Variants in PDZD2 observed in about 807,000 individuals in gnomAD.
PDZD2 encodes the protein PDZ domain containing 2.
A neutral mutation model predicts 220.7 loss-of-function variants in PDZD2; 90 were observed. The observed-to-expected ratio is 0.41, with a 90% CI of 0.34 to 0.49. The LOEUF (loss-of-function observed/expected upper bound fraction) is 0.49, where lower values mean the gene tolerates loss of function less well. PDZD2 is among the 20% of genes least tolerant of loss of function. The probability of loss-of-function intolerance (pLI) is 0.28; values close to 1 mark genes in which losing one functional copy is unlikely to be tolerated. For synonymous variants in PDZD2, 1,375 were observed against 1,450.5 expected, an observed-to-expected ratio of 0.95 and a Z score of 1.18; for missense variants, 3,174 against 3,608.5, an observed-to-expected ratio of 0.88 and a Z score of 3.08.
At chr5:32,046,712 A>G (rs1738006497) in intron 7 of PDZD2, among the ~76,000 whole-genome samples, 3 of 152,210 alleles carry the variant, frequency 2.0e-5, no homozygotes, top group African/African-American at 7.2e-5. Context: ...CAATCCATAG[A>G]TCCCATAAAA....
Position 32,000,298 on chromosome 5 carries a change from C to T in PDZD2, c.1254+27C>T, listed in dbSNP as rs373910256. ...TAGGTCGTGTTTGTTTTTTGGTACT[C>T]GTAATGGTGGCAGTGGTGAGTTGGG... is the stretch of plus-strand genomic sequence containing the variant. On this transcript the variant is annotated intron_variant, in intron 5 of 24. Coordinates refer to ENST00000438447, the MANE Select transcript of PDZD2 (RefSeq NM_178140.4). This position sits in a 1 kb window ranked among gnomAD's most constrained non-coding sequence, Gnocchi z 4.5. 6.2e-6 allele frequency: 10 copies of T among 1,612,930 alleles called. No homozygotes were observed. In the East Asian group the frequency reaches 1.3e-4, roughly 22 times the overall value.
At chr5:31,694,843 G>A (rs1280686411) in intron 1 of PDZD2, among the ~76,000 whole-genome samples, 2 of 150,548 alleles carry the variant, frequency 1.3e-5, no homozygotes, top group Admixed American at 6.7e-5. Context: ...AAAGGAATAG[G>A]CTGGGTGCAG....
intron 1 of PDZD2, among the ~76,000 whole-genome samples, chr5:31,653,397 C>T (rs928639685): frequency 5.3e-5 from 8 of 151,992 alleles, no homozygotes; most frequent in African/African-American, 1.5e-4. Flanking sequence ...CAGATTGGCA[C>T]GTCTGGGTGG....
intron 1 of PDZD2, among the ~76,000 whole-genome samples, chr5:31,649,173 C>T (rs545274782): frequency 4.6e-5 from 7 of 152,120 alleles, no homozygotes; most frequent in Admixed American, 3.9e-4. Context: ...CCACTGTGCC[C>T]GGCCAGAGGG....
At chr5:32,041,041 CCAG>C (rs1756082283) in intron 7 of PDZD2, among the ~76,000 whole-genome samples, 2 of 141,660 alleles carry the variant, frequency 1.4e-5, no homozygotes, top group African/African-American at 2.7e-5. Flanking sequence ...GCGCCTCTGC[CCAG>C]CAGCCGCCCC....
intron 1 of PDZD2, among the ~76,000 whole-genome samples, chr5:31,746,491 C>T (rs1750612009): frequency 6.6e-6 from 1 of 152,062 alleles, no homozygotes; most frequent in African/African-American, 2.4e-5. Flanking sequence ...GGATTGTGCT[C>T]AAAAATAGAA....
chr5:31,983,505 T>C lies in PDZD2; in HGVS notation c.827T>C (p.Val276Ala), dbSNP rs1265307368. The change falls in exon 3 of 25, where the codon GTG becomes GCG. Residue 276 changes from valine (V) to alanine (A), a missense_variant. Around this residue, in one of 4 missense-constraint regions of PDZD2, gnomAD observed 632 missense variants for 708.1 expected, o/e 0.89. Coordinates refer to ENST00000438447, the MANE Select transcript of PDZD2 (RefSeq NM_178140.4). Reference sequence around the variant, plus strand: ...AATGGCCCAGATTCTCTCAAGGAGGTGGCTGGACCCCATCTAGAGAGGTCA... The same window carrying C: ...AATGGCCCAGATTCTCTCAAGGAGGCGGCTGGACCCCATCTAGAGAGGTCA... ...LENGPDSLKE[V>A]AGPHLERSEV... 6 of 1,613,900 alleles carry C rather than the reference T, an allele frequency of 3.7e-6. No homozygotes were observed. In the Middle Eastern group the frequency reaches 8.2e-4, roughly 221 times the overall value.
At chr5:31,652,468 C>G (rs1430829141) in intron 1 of PDZD2, among the ~76,000 whole-genome samples, 1 of 152,216 alleles carries the variant, frequency 6.6e-6, no homozygotes, top group African/African-American at 2.4e-5. Flanking sequence ...GTATTATCTT[C>G]TCAACATGAC....
At chr5:31,847,955 A>G (rs1199627974) in intron 2 of PDZD2, 2 of 444,302 alleles carry the variant, frequency 4.5e-6, no homozygotes, top group East Asian at 5.2e-5. Context: ...AAAGAACAGC[A>G]TAACTCCAGA....
intron 7 of PDZD2, among the ~76,000 whole-genome samples, chr5:32,048,131 C>T (rs769954001): frequency 1.3e-5 from 2 of 152,034 alleles, no homozygotes; most frequent in Non-Finnish European, 2.9e-5. Flanking sequence ...TTTTAAAAGT[C>T]GTGCCTATAC....
intron 2 of PDZD2, among the ~76,000 whole-genome samples, chr5:31,831,484 C>T (rs1219190661): frequency 1.3e-5 from 2 of 151,832 alleles, no homozygotes; most frequent in African/African-American, 4.8e-5. Flanking sequence ...TGTGGTGGCT[C>T]ACGCCTATAA....
intron 1 of PDZD2, among the ~76,000 whole-genome samples, chr5:31,775,462 C>T (rs1167579269): frequency 6.6e-6 from 1 of 152,160 alleles, no homozygotes; most frequent in Non-Finnish European, 1.5e-5. Context: ...CTTGGCCCAG[C>T]CAGCTCAGTT....
intron 13 of PDZD2, among the ~76,000 whole-genome samples, chr5:32,060,294 T>C (rs1739544503): frequency 6.6e-6 from 1 of 152,232 alleles, no homozygotes; most frequent in African/African-American, 2.4e-5. Context: ...AATGATTCCA[T>C]ATGTCTGGAG....
In PDZD2 at chr5:32,015,795, G is replaced by T. The variant is rs140773999; in HGVS notation, c.1407+5313G>T. 4.5e-3 allele frequency among the ~76,000 whole-genome samples: 637 copies of T among 141,124 alleles called. 4 individuals carry two copies. Among genetic ancestry groups the T allele is most frequent in the African/African-American group, 0.017 (609 of 35,560 alleles). 92.6% of individuals were successfully genotyped at this position (141,124 alleles called of 152,430 possible). ...AGGAAGAGTTTCAGTATAATAGGGT[G>T]TGAAATGGGTGATACTTATTAAGTT... On this transcript the variant is annotated intron_variant, in intron 6 of 24. Transcript: ENST00000438447.
chr5:31,855,655 C>T (rs1312075738), intron 2 of PDZD2, among the ~76,000 whole-genome samples: 1 of 152,242 alleles, frequency 6.6e-6, no homozygotes, highest in Non-Finnish European at 1.5e-5. Flanking sequence ...CTTTCTCTAC[C>T]CGCGGGAACT....
intron 2 of PDZD2, among the ~76,000 whole-genome samples, chr5:31,927,469 C>T (rs1744898363): frequency 1.3e-5 from 2 of 152,280 alleles, no homozygotes; most frequent in South Asian, 4.1e-4. Flanking sequence ...CTGCAGCCTT[C>T]GCCTCCCAGG....
chr5:32,074,373 C>T lies in PDZD2; in HGVS notation c.3267C>T (p.Tyr1089=), dbSNP rs751441885. The change falls in exon 18 of 25, where the codon TAC becomes TAT. Residue 1089 remains tyrosine, a synonymous_variant. Transcript: ENST00000438447. ...SGSSSAPKLE[Y]TVRTDTQSPT... is the part of the protein sequence containing the mutation. ...CAAGTAGCGCACCCAAATTGGAATA[C>T]ACAGTCCGTACAGACACCCAGAGTC... 1.9e-6 allele frequency: 3 copies of T among 1,614,210 alleles called. No individual in the cohort carries two copies. The highest frequency in any genetic ancestry group is 1.7e-6 in the Non-Finnish European group (2 of 1,180,032).
chr5:31,729,534 T>G (rs1020460628), intron 1 of PDZD2, among the ~76,000 whole-genome samples: 1 of 152,218 alleles, frequency 6.6e-6, no homozygotes, highest in Non-Finnish European at 1.5e-5. Flanking sequence ...AGGGTGGGAA[T>G]GGTGTTTGAA....
rs1751977093 is a variant in PDZD2 at position 32,000,057 on chromosome 5, C to A, written c.1122-82C>A. 3.1e-6 allele frequency: 4 copies of A among 1,289,268 alleles called. No homozygotes were observed. Among genetic ancestry groups the A allele is most frequent in the East Asian group, 2.4e-5 (1 of 41,778 alleles). 79.9% of individuals were successfully genotyped at this position (1,289,268 alleles called of 1,614,324 possible). Reference sequence around the variant, plus strand: ...CAATCTTAACCGTCCCTCCTCACAACCCTCCCTAGCTCCAGAAAATGGCCC... The same window carrying A: ...CAATCTTAACCGTCCCTCCTCACAAACCTCCCTAGCTCCAGAAAATGGCCC... On this transcript the variant is annotated intron_variant, in intron 4 of 24. Transcript: ENST00000438447. This position sits in a 1 kb window ranked among gnomAD's most constrained non-coding sequence, Gnocchi z 4.5.
Sources: allele counts gnomAD v4.1 joint callset (sites outside exome capture counted in the v4.1 genomes callset), GRCh38; gene constraint gnomAD v4.1.1; regional missense constraint gnomAD v4.1.1; non-coding constraint Gnocchi (gnomAD v3.1); transcripts MANE v1.5; gene names NCBI Gene and HGNC (gene_info 2026-07-23, HGNC 2026-07-21).